The following NRXN3 variants were observed in gnomAD, a reference collection of about 807,000 sequenced individuals.
The protein encoded by NRXN3 is neurexin 3.
Under a neutral mutation model 137.6 loss-of-function variants are expected in NRXN3, and 32 were observed. The ratio of observed to expected loss-of-function variants is 0.23; its 90% CI spans 0.18 to 0.31. The LOEUF is 0.31. NRXN3 is among the 10% of genes least tolerant of loss of function. The pLI is 1.00. For synonymous variants in NRXN3, 798 were observed against 784.5 expected, an observed-to-expected ratio of 1.02 and a Z score of -0.29; for missense variants, 1,574 against 2,062.5, an observed-to-expected ratio of 0.76 and a Z score of 4.59.
intron 19 of NRXN3, among the ~76,000 whole-genome samples, chr14:79,778,690 G>A (rs528932726): frequency 1.3e-5 from 2 of 152,108 alleles, no homozygotes; most frequent in Non-Finnish European, 2.9e-5. Flanking sequence ...TGACTCCCAG[G>A]CCTGTTCAGT....
chr14:78,900,455 T>TC (rs1039024193), intron 10 of NRXN3, among the ~76,000 whole-genome samples: 8 of 150,878 alleles, frequency 5.3e-5, no homozygotes, highest in African/African-American at 1.5e-4. Flanking sequence ...TTTTTTTTTT[T>TC]CACTATCTAT....
At chr14:78,266,455 C>T (rs566366652) in intron 2 of NRXN3, among the ~76,000 whole-genome samples, 2 of 152,152 alleles carry the variant, frequency 1.3e-5, no homozygotes, top group Non-Finnish European at 2.9e-5. Context: ...CATACCACCA[C>T]GCCCAGCTAA....
At chr14:79,148,022 T>G (rs995890242) in intron 15 of NRXN3, among the ~76,000 whole-genome samples, 4 of 152,126 alleles carry the variant, frequency 2.6e-5, no homozygotes, top group African/African-American at 9.7e-5. Context: ...TTCTCCTCAT[T>G]TATTCATGAC....
chr14:79,365,384 G>C (rs1399724298), intron 15 of NRXN3, among the ~76,000 whole-genome samples: 1 of 152,076 alleles, frequency 6.6e-6, no homozygotes, highest in Non-Finnish European at 1.5e-5. Flanking sequence ...ATTAAATAGG[G>C]CAAGTGTTAT....
intron 14 of NRXN3, among the ~76,000 whole-genome samples, chr14:78,982,040 C>T (rs2099490726): frequency 6.6e-6 from 1 of 152,082 alleles, no homozygotes; most frequent in Non-Finnish European, 1.5e-5. Context: ...GAGTTCTTGT[C>T]AGCATCTGGT....
chr14:78,170,452 C>T lies in NRXN3; in HGVS notation c.-926C>T, dbSNP rs1478036068. On this transcript the variant is annotated 5_prime_UTR_variant, in exon 1 of 21. Coordinates refer to ENST00000335750, the MANE Select transcript of NRXN3 (RefSeq NM_001330195.2). ...AGAGGGAGAGGCAACCTGTCCTCCC[C>T]TCTCTCAGCCTCGGCATCTCCAGCC... 1 of 152,248 alleles carries T rather than the reference C, an allele frequency of 6.6e-6. No homozygotes were observed. Among genetic ancestry groups the T allele is most frequent in the African/African-American group, 2.4e-5 (1 of 41,428 alleles). 9.4% of individuals were successfully genotyped at this position (152,248 alleles called of 1,614,324 possible).
chr14:78,322,729 A>G (rs1163793085), intron 4 of NRXN3, among the ~76,000 whole-genome samples: 5 of 151,896 alleles, frequency 3.3e-5, no homozygotes, highest in South Asian at 2.1e-4. Context: ...CTAATCCATG[A>G]TGCTTCACTA....
At chr14:79,681,240 C>T (rs1567872705) in intron 17 of NRXN3, among the ~76,000 whole-genome samples, 2 of 152,282 alleles carry the variant, frequency 1.3e-5, no homozygotes, top group South Asian at 2.1e-4. Flanking sequence ...TGCTTCCCTC[C>T]TCCTGCTGAG....
intron 6 of NRXN3, among the ~76,000 whole-genome samples, chr14:78,665,727 AG>A (rs1484936374): frequency 3.2e-4 from 49 of 152,322 alleles, no homozygotes; most frequent in African/African-American, 1.1e-3. Context: ...TAGGACAAAA[AG>A]GACCTAAAGC....
At chr14:78,702,451 C>CTTTTCTTTTTTTTTTTTTTTTTTTTTTT (rs151197180) in intron 6 of NRXN3, among the ~76,000 whole-genome samples, 2 of 122,702 alleles carry the variant, frequency 1.6e-5, no homozygotes, top group African/African-American at 3.1e-5. Context: ...TTTTTCTTTT[C>CTTTTCTTTTTTTTTTTTTTTTTTTTTTT]TTATTTTTTT....
Position 79,792,567 on chromosome 14 carries a change from A to AT in NRXN3, c.4015-12538dup, listed in dbSNP as rs970269855. Among the ~76,000 whole-genome samples the AT allele has an allele frequency of 7.2e-5, 11 of 152,340 alleles. No individual in the cohort carries two copies. In the South Asian group the frequency reaches 2.3e-3, roughly 32 times the overall value. ...AGAAAAACTAAATAAAGATGCTTAG[A>AT]TTTTTTTAAAAAAAGTCCCAGCAAA... is the stretch of plus-strand genomic sequence containing the variant. On this transcript the variant is annotated intron_variant, in intron 19 of 20. Coordinates refer to ENST00000335750, the MANE Select transcript of NRXN3 (RefSeq NM_001330195.2).
At chr14:79,104,494 G>GTCTT (rs2051988793) in intron 15 of NRXN3, among the ~76,000 whole-genome samples, 1 of 152,154 alleles carries the variant, frequency 6.6e-6, no homozygotes, top group Non-Finnish European at 1.5e-5. Context: ...AAACTTTGAA[G>GTCTT]TCTTTCTTTC....
At chr14:79,067,481 G>C (rs563455656) in intron 15 of NRXN3, among the ~76,000 whole-genome samples, 5 of 152,160 alleles carry the variant, frequency 3.3e-5, no homozygotes, top group African/African-American at 9.6e-5. Context: ...TGGCCTCATA[G>C]AATGAGTTAG....
At chr14:78,640,932 C>A (rs568972484) in intron 4 of NRXN3, among the ~76,000 whole-genome samples, 1 of 152,324 alleles carries the variant, frequency 6.6e-6, no homozygotes, top group Non-Finnish European at 1.5e-5. Context: ...TGCCTCCTCT[C>A]TTGCCAAGCT....
intron 20 of NRXN3, among the ~76,000 whole-genome samples, chr14:79,826,410 G>A (rs528549832): frequency 2.4e-4 from 37 of 152,136 alleles, no homozygotes; most frequent in Non-Finnish European, 5.0e-4. Flanking sequence ...GTTAACATTT[G>A]CCACATTTGC....
chr14:78,756,140 G>A (rs78324896), intron 8 of NRXN3, among the ~76,000 whole-genome samples: 2 of 152,240 alleles, frequency 1.3e-5, no homozygotes, highest in Non-Finnish European at 2.9e-5. Context: ...TATGTATTTT[G>A]TGTGGAAAGT....
intron 4 of NRXN3, among the ~76,000 whole-genome samples, chr14:78,630,584 T>G (rs1433279563): frequency 7.5e-6 from 1 of 133,400 alleles, no homozygotes; most frequent in Non-Finnish European, 1.6e-5. Context: ...TTCTTATTTT[T>G]CTTTCTTTCT....
chr14:79,830,300 C>T (rs1218459773), intron 20 of NRXN3, among the ~76,000 whole-genome samples: 1 of 152,088 alleles, frequency 6.6e-6, no homozygotes, highest in Non-Finnish European at 1.5e-5. Context: ...ATGCTTTGTA[C>T]ATATGTAGGA....
chr14:78,823,615 G>A (rs1596242684), intron 10 of NRXN3, among the ~76,000 whole-genome samples: 1 of 152,334 alleles, frequency 6.6e-6, no homozygotes, highest in East Asian at 1.9e-4. Flanking sequence ...AAGGGTTGCA[G>A]CCTGCAGGCT....
Sources: gnomAD v4.1 joint callset for allele counts (sites outside exome capture counted in the v4.1 genomes callset) on GRCh38, gnomAD v4.1.1 for gene constraint, MANE v1.5 for transcripts, NCBI Gene and HGNC (gene_info 2026-07-23, HGNC 2026-07-21) for gene names.